Variants in KANK1 observed in about 807,000 individuals in gnomAD.
KANK1 encodes KN motif and ankyrin repeat domains 1, also known as KN motif and ankyrin repeat domain-containing protein 1.
Under a neutral mutation model 106.2 loss-of-function variants are expected in KANK1, and 109 were observed. The observed-to-expected ratio is 1.03, with a 90% CI of 0.88 to 1.20. KANK1 has a LOEUF of 1.20. KANK1 is among the 50% of genes most tolerant of loss of function. KANK1 has a pLI of 0.00. For missense variants in KANK1, 2,399 were observed against 1,710.7 expected (o/e 1.40, Z -7.10); for synonymous variants, 873 against 652.2 (o/e 1.34, Z -5.16).
Position 521,190 on chromosome 9 carries a change from G to T in KANK1, c.-84+16436G>T, listed in dbSNP as rs567845119. 4.8e-4 allele frequency among the ~76,000 whole-genome samples: 73 copies of T among 151,896 alleles called. 3 individuals carry two copies. The highest frequency in any genetic ancestry group is 1.7e-3 in the African/African-American group (68 of 41,188). On this transcript the variant is annotated intron_variant, in intron 1 of 11. Coordinates refer to ENST00000382297, the MANE Select transcript of KANK1 (RefSeq NM_015158.5). ...AAGTCATACATTGCTGTGAGGAACA[G>T]AACGTTTGTGCCTCAATTGGTTATT...
At chr9:490,131 G>A (rs2058353911) in intron 3 of KANK1, among the ~76,000 whole-genome samples, 1 of 152,178 alleles carries the variant, frequency 6.6e-6, no homozygotes, top group African/African-American at 2.4e-5. Flanking sequence ...AGGTTTTTCT[G>A]ACTTCTAAGT....
rs550690779 is a variant in KANK1 at position 584,504 on chromosome 9, T to C, written c.-84+79750T>C. Reference sequence around the variant, plus strand: ...AGGTTATCCAAAGATAGTAATATGGTATTTGATCTGAACCTAGACTTCTGT... The same window carrying C: ...AGGTTATCCAAAGATAGTAATATGGCATTTGATCTGAACCTAGACTTCTGT... On this transcript the variant is annotated intron_variant, in intron 1 of 11. Coordinates refer to ENST00000382297, the MANE Select transcript of KANK1 (RefSeq NM_015158.5). 2.0e-5 allele frequency among the ~76,000 whole-genome samples: 3 copies of C among 152,340 alleles called. No individual in the cohort carries two copies. The South Asian group carries it at 6.2e-4, about 32-fold the overall frequency.
chr9:559,739 A>T (rs1815885471), intron 1 of KANK1, among the ~76,000 whole-genome samples: 1 of 152,204 alleles, frequency 6.6e-6, no homozygotes, highest in African/African-American at 2.4e-5. Flanking sequence ...ATTTTTCTAA[A>T]TGTGACCCAG....
rs976575141 is a variant in KANK1, at chr9:647,519, G to T, written c.-83-29371G>T. The stretch of plus-strand genomic sequence containing the variant: ...CTACAGAAACAAGTGCAGTTTTCTA[G>T]TATAGTCTTTCATCTTACGAAAATA... On this transcript the variant is annotated intron_variant, in intron 1 of 11. Coordinates refer to ENST00000382297, the MANE Select transcript of KANK1 (RefSeq NM_015158.5). Among the ~76,000 whole-genome samples the T allele has an allele frequency of 4.0e-5, 6 of 150,848 alleles. 1 individual carries two copies. The highest frequency in any genetic ancestry group is 1.3e-4 in the Admixed American group (2 of 15,234).
intron 1 of KANK1, among the ~76,000 whole-genome samples, chr9:545,782 G>C (rs1014160370): frequency 4.7e-5 from 6 of 126,444 alleles, no homozygotes; most frequent in African/African-American, 1.9e-4. Flanking sequence ...TCGCTGCTCT[G>C]TCGCCCAGGA....
At chr9:686,329 G>A (rs1264892749) in intron 2 of KANK1, among the ~76,000 whole-genome samples, 4 of 152,154 alleles carry the variant, frequency 2.6e-5, no homozygotes, top group Admixed American at 6.5e-5. Flanking sequence ...CAACCCGTTT[G>A]GCATGTTCCC....
chr9:583,956 A>G (rs1241836820), intron 1 of KANK1, among the ~76,000 whole-genome samples: 1 of 152,132 alleles, frequency 6.6e-6, no homozygotes, highest in Admixed American at 6.5e-5. Flanking sequence ...GGGGGTGTGG[A>G]GGAGTGGGTA....
chr9:502,416 T>C (rs1008538811), upstream of KANK1, among the ~76,000 whole-genome samples: 1 of 152,220 alleles, frequency 6.6e-6, no homozygotes, highest in Non-Finnish European at 1.5e-5. Context: ...TGCCATACTT[T>C]TGATTGATTC....
chr9:588,376 C>G (rs180728543), intron 1 of KANK1, among the ~76,000 whole-genome samples: 1 of 152,236 alleles, frequency 6.6e-6, no homozygotes. Context: ...TCATGCACAT[C>G]TATGATTATT....
chr9:728,662 A>G lies in KANK1; in HGVS notation c.2699-1389A>G, dbSNP rs141657620. Among the ~76,000 whole-genome samples the G allele has an allele frequency of 2.0e-5, 3 of 152,280 alleles. No individual in the cohort carries two copies. In the East Asian group the frequency reaches 5.8e-4, roughly 29 times the overall value. ...AAAGAGACATTTACCATCTATATAGAGGTCTGAAAAGTGACGTTTACCATC... is the reference window on the plus strand; with the variant it reads ...AAAGAGACATTTACCATCTATATAGGGGTCTGAAAAGTGACGTTTACCATC... On this transcript the variant is annotated intron_variant, in intron 3 of 11. Transcript: ENST00000382297.
chr9:576,343 T>A (rs534960591), intron 1 of KANK1, among the ~76,000 whole-genome samples: 65 of 152,332 alleles, frequency 4.3e-4, no homozygotes, highest in Admixed American at 1.4e-3. Flanking sequence ...GCAGCCTCCT[T>A]GAAGGCCCAG....
intron 1 of KANK1, among the ~76,000 whole-genome samples, chr9:588,024 C>G (rs1412603390): frequency 6.6e-6 from 1 of 151,336 alleles, no homozygotes; most frequent in African/African-American, 2.4e-5. Flanking sequence ...TGAGATTGCA[C>G]CATTGCACTC....
chr9:582,372 G>A (rs1390870543), intron 1 of KANK1, among the ~76,000 whole-genome samples: 1 of 152,124 alleles, frequency 6.6e-6, no homozygotes, highest in Admixed American at 6.5e-5. Flanking sequence ...AAATTCTTAA[G>A]CATTTTCTAT....
chr9:560,331 G>A (rs1166019243), intron 1 of KANK1, among the ~76,000 whole-genome samples: 2 of 152,232 alleles, frequency 1.3e-5, no homozygotes, highest in Non-Finnish European at 2.9e-5. Context: ...TAATAAGATA[G>A]ATGAATGTGT....
At chr9:594,767 A>T (rs1379628324) in intron 1 of KANK1, among the ~76,000 whole-genome samples, 1 of 151,872 alleles carries the variant, frequency 6.6e-6, no homozygotes, top group Admixed American at 6.6e-5. Flanking sequence ...ATAATTTTTA[A>T]TAATGACACT....
chr9:730,018 TCA>T (rs2131683615), intron 3 of KANK1, 31 bp from the exon 4 acceptor site: 1 of 1,587,430 alleles, frequency 6.3e-7, no homozygotes. Context: ...AGTCCTAGCA[TCA>T]CACACTCTGT....
At chr9:517,211 C>T (rs1587428846) in intron 1 of KANK1, among the ~76,000 whole-genome samples, 1 of 151,766 alleles carries the variant, frequency 6.6e-6, no homozygotes, top group African/African-American at 2.4e-5. Flanking sequence ...TCAAGCAGTT[C>T]TCCTGCCTCA....
rs886190874 is a variant in KANK1 at position 730,489 on chromosome 9, C to T, written c.2896+241C>T. ...GGCAGATCATTTGAGGCCAGGAGTT[C>T]GAGACCAGCCTGGCCAACATGGTGA... is the stretch of plus-strand genomic sequence containing the variant. On this transcript the variant is annotated intron_variant, in intron 4 of 11. Coordinates refer to ENST00000382297, the MANE Select transcript of KANK1 (RefSeq NM_015158.5). 16 of 467,184 alleles carry T rather than the reference C, an allele frequency of 3.4e-5. 1 individual carries two copies. Among genetic ancestry groups the T allele is most frequent in the Admixed American group, 1.7e-4 (5 of 29,452 alleles). The allele number at this position is 467,184 out of a possible 1,614,324, so 28.9% of individuals were successfully genotyped here. A position where few individuals can be genotyped will look rare whatever the true frequency, so the allele number is the denominator to read the frequency against.
chr9:730,261 A>G lies in KANK1; in HGVS notation c.2896+13A>G, dbSNP rs746525845. 28 of 1,610,562 alleles carry G rather than the reference A, an allele frequency of 1.7e-5. No homozygotes were observed. The highest frequency in any genetic ancestry group is 9.3e-6 in the Non-Finnish European group (11 of 1,176,992). On this transcript the variant is annotated intron_variant, in intron 4 of 11. Coordinates refer to ENST00000382297, the MANE Select transcript of KANK1 (RefSeq NM_015158.5). Reference sequence around the variant, plus strand: ...GCTGGCCTCTATGGTAACTTTTCTCACTCACAGTCATTGGCATCAGGATTC... The same window carrying G: ...GCTGGCCTCTATGGTAACTTTTCTCGCTCACAGTCATTGGCATCAGGATTC...
Sources: allele counts gnomAD v4.1 joint callset (sites outside exome capture counted in the v4.1 genomes callset), GRCh38; gene constraint gnomAD v4.1.1; transcripts MANE v1.5; gene names NCBI Gene and HGNC (gene_info 2026-07-23, HGNC 2026-07-21).